PTPRB: variants seen among roughly 807,000 people sequenced by gnomAD.
PTPRB encodes protein tyrosine phosphatase receptor type B, also known as receptor-type tyrosine-protein phosphatase beta.
PTPRB carries 97 observed loss-of-function variants against 238.1 expected under a neutral mutation model. That is an observed-to-expected ratio of 0.41 (90% CI 0.35 to 0.48). The LOEUF is 0.48. Ranked by LOEUF, PTPRB falls within the 20% of genes least tolerant of loss-of-function variation. The pLI, the probability that PTPRB is intolerant of heterozygous loss-of-function variation, is 0.30. For synonymous variants in PTPRB, 970 were observed against 995.4 expected (o/e 0.97, Z 0.48); for missense variants, 2,292 against 2,681.9 (o/e 0.85, Z 3.21).
rs1180789733 is a variant in PTPRB at position 70,534,901 on chromosome 12, G to A, written c.6136C>T (p.Leu2046Phe). Residue 2046 changes from leucine (L) to phenylalanine (F), a missense_variant, in exon 30 of 34, where the codon CTC (leucine) becomes TTC (phenylalanine). Transcript: ENST00000334414. ...GACTCTGAGAGCATCTGCAGGATGA[G>A]GTCCCCATAGTAGAGGGAATCCTGG... ...ADQDSLYYGD[L>F]ILQMLSESVL... The A allele has an allele frequency of 6.2e-7, 1 of 1,613,774 alleles. No individual in the cohort carries two copies. The highest frequency in any genetic ancestry group is 8.5e-7 in the Non-Finnish European group (1 of 1,179,818).
chr12:70,584,080 A>G (rs1881643190), intron 9 of PTPRB, among the ~76,000 whole-genome samples: 1 of 152,214 alleles, frequency 6.6e-6, no homozygotes, highest in African/African-American at 2.4e-5. Flanking sequence ...AGAGCACAAC[A>G]TAAATTTGAA....
chr12:70,556,032 C>T lies in PTPRB; in HGVS notation c.4831G>A (p.Asp1611Asn). ...DGYSIECRKM[D>N]TQEVEFSRKL... ...CTGGAAAACTCAACTTCTTGGGTGTCCATTTTCCGGCATTCAATACTATAA... is the reference window on the plus strand; with the variant it reads ...CTGGAAAACTCAACTTCTTGGGTGTTCATTTTCCGGCATTCAATACTATAA... The change falls in exon 19 of 34, where the codon GAC (aspartate) becomes AAC (asparagine). Residue 1611 changes from aspartate to asparagine, a missense_variant. Physicochemically the swap from Asp to Asn is conservative, Grantham distance 23. Transcript: ENST00000334414. The T allele has an allele frequency of 6.2e-7, 1 of 1,613,886 alleles. No individual in the cohort carries two copies. Among genetic ancestry groups the T allele is most frequent in the Non-Finnish European group, 8.5e-7 (1 of 1,179,860 alleles).
intron 10 of PTPRB, among the ~76,000 whole-genome samples, chr12:70,577,596 A>C (rs1880926478): frequency 6.6e-6 from 1 of 152,240 alleles, no homozygotes; most frequent in Non-Finnish European, 1.5e-5. Flanking sequence ...TTTAATCATT[A>C]GTTGATTAAC....
intron 21 of PTPRB, among the ~76,000 whole-genome samples, 197 bp from the exon 22 acceptor site, chr12:70,544,860 C>T (rs1011996006): frequency 3.9e-5 from 6 of 152,040 alleles, no homozygotes; most frequent in Admixed American, 2.6e-4. Context: ...CCCTGCCACA[C>T]GCCAATCACT....
chr12:70,520,999 G>C lies in PTPRB; in HGVS notation c.*490C>G, dbSNP rs1314975813. 6.5e-6 allele frequency: 1 copy of C among 152,724 alleles called. No individual in the cohort carries two copies. The highest frequency in any genetic ancestry group is 2.4e-5 in the African/African-American group (1 of 41,430). 9.5% of individuals were successfully genotyped at this position (152,724 alleles called of 1,614,324 possible). ...ACTGTCACATTTGTCCTAATAGCAA[G>C]TTAGGACATGTCTGTTGGCTCTCGA... On this transcript the variant is annotated 3_prime_UTR_variant, in exon 34 of 34. Transcript: ENST00000334414.
In PTPRB at chr12:70,517,976, G is replaced by A. The variant is rs1441563527; in HGVS notation, c.*3513C>T. ...AGAATCAGCATGTGAAGGGTAGCAT[G>A]TGAGGTCTATTTTTATATTGCTGGA... On this transcript the variant is annotated 3_prime_UTR_variant, in exon 34 of 34. Coordinates refer to ENST00000334414, the MANE Select transcript of PTPRB (RefSeq NM_001109754.4). 1.3e-5 allele frequency: 2 copies of A among 152,168 alleles called. No homozygotes were observed. Among genetic ancestry groups the A allele is most frequent in the Non-Finnish European group, 2.9e-5 (2 of 68,028 alleles). The allele number at this position is 152,168 out of a possible 1,614,324, so 9.4% of individuals were successfully genotyped here.
At chr12:70,523,877 G>A (rs1433387389) in intron 33 of PTPRB, among the ~76,000 whole-genome samples, 1 of 151,330 alleles carries the variant, frequency 6.6e-6, no homozygotes, top group African/African-American at 2.4e-5. Context: ...GTGCAGTGGT[G>A]GGATCTCGGC....
Position 70,554,233 on chromosome 12 carries a change from C to G in PTPRB, c.5143+927G>C, listed in dbSNP as rs528244901. 9.8e-5 allele frequency among the ~76,000 whole-genome samples: 15 copies of G among 152,304 alleles called. No homozygotes were observed. In the East Asian group the frequency reaches 2.7e-3, roughly 27 times the overall value. ...TAAAATACCCATTGGCCTAGAAACT[C>G]CTCACAGTTTGTCAGGTTTCAAGTT... On this transcript the variant is annotated intron_variant, in intron 20 of 33. Coordinates refer to ENST00000334414, the MANE Select transcript of PTPRB (RefSeq NM_001109754.4).
At chr12:70,535,060 C>T (rs1346902008) in intron 29 of PTPRB, 105 bp from the exon 30 acceptor site, 2 of 1,334,150 alleles carry the variant, frequency 1.5e-6, no homozygotes, top group Non-Finnish European at 1.0e-6. Flanking sequence ...AATCTGGGAT[C>T]AGCTGCTAAA....
chr12:70,590,893 G>C (rs1882424854), intron 7 of PTPRB, among the ~76,000 whole-genome samples: 1 of 143,430 alleles, frequency 7.0e-6, no homozygotes, highest in Non-Finnish European at 1.5e-5. Flanking sequence ...TGTCACAAAC[G>C]TTACATTTTT....
intron 2 of PTPRB, among the ~76,000 whole-genome samples, chr12:70,627,591 T>C (rs1489109546): frequency 6.6e-6 from 1 of 152,096 alleles, no homozygotes; most frequent in Non-Finnish European, 1.5e-5. Flanking sequence ...ATGAAAGTCA[T>C]ACATAGCCCT....
At chr12:70,626,285 GTCTATCCATCCATCTATCTATCTATCTA>G (rs1566023044) in intron 2 of PTPRB, among the ~76,000 whole-genome samples, 1 of 142,566 alleles carries the variant, frequency 7.0e-6, no homozygotes, top group African/African-American at 2.6e-5. Flanking sequence ...AAAGGATGAT[GTCTATCCATCCATCTATCTATCTATCTA>G]TCTATCTATC....
chr12:70,625,259 T>G (rs527645986), intron 2 of PTPRB, among the ~76,000 whole-genome samples: 32 of 152,304 alleles, frequency 2.1e-4, no homozygotes, highest in African/African-American at 7.7e-4. Flanking sequence ...TTTAAAGCAG[T>G]GGTTTGCAAA....
intron 11 of PTPRB, among the ~76,000 whole-genome samples, chr12:70,576,099 A>G (rs930610373): frequency 2.1e-4 from 32 of 152,312 alleles, no homozygotes; most frequent in Non-Finnish European, 7.3e-5. Flanking sequence ...AGGAGTTCAT[A>G]AGGGTTAGTT....
In PTPRB at chr12:70,516,390, C is replaced by G. The variant is rs1455858392; in HGVS notation, c.*5099G>C. 6.6e-6 allele frequency: 1 copy of G among 152,126 alleles called. No individual in the cohort carries two copies. The allele number at this position is 152,126 out of a possible 1,614,324, so 9.4% of individuals were successfully genotyped here. A position where few individuals can be genotyped will look rare whatever the true frequency, so the allele number is the denominator to read the frequency against. ...TCCTTGTTCTTGAGGAATTTATAAG[C>G]CCAATAGTCCTGCATAGAAAACCAG... On this transcript the variant is annotated 3_prime_UTR_variant, in exon 34 of 34. Transcript: ENST00000334414.
At chr12:70,592,145 A>C (rs17814380) in intron 7 of PTPRB, 137 bp downstream of exon 7, 148,164 of 1,220,864 alleles carry the variant, frequency 0.12, 9,873 homozygotes, top group Middle Eastern at 0.16. Flanking sequence ...GGGCCATACT[A>C]CAGACACCTT....
At chr12:70,602,275 T>A (rs745370458) in intron 4 of PTPRB, among the ~76,000 whole-genome samples, 1 of 152,178 alleles carries the variant, frequency 6.6e-6, no homozygotes, top group South Asian at 2.1e-4. Context: ...TAGAGAACCA[T>A]GTCAGCACTG....
chr12:70,558,175 G>A (rs1279522462), intron 18 of PTPRB, among the ~76,000 whole-genome samples: 6 of 152,222 alleles, frequency 3.9e-5, no homozygotes, highest in Admixed American at 6.5e-5. Flanking sequence ...GTTCTGCCCT[G>A]GGTTTGGTAA....
chr12:70,633,002 T>C (rs536930485), intron 2 of PTPRB, among the ~76,000 whole-genome samples: 1 of 152,320 alleles, frequency 6.6e-6, no homozygotes, highest in East Asian at 1.9e-4. Context: ...CAATCATTAA[T>C]GTGTCTTTTA....
Sources: gnomAD v4.1 joint callset for allele counts (sites outside exome capture counted in the v4.1 genomes callset) on GRCh38, gnomAD v4.1.1 for gene constraint, MANE v1.5 for transcripts, NCBI Gene and HGNC (gene_info 2026-07-23, HGNC 2026-07-21) for gene names.